Variants in SEL1L2 observed in about 807,000 individuals in gnomAD.
SEL1L2 encodes protein sel-1 homolog 2.
In SEL1L2, 89 loss-of-function variants were observed where a neutral mutation model predicts 98.8. The ratio of observed to expected loss-of-function variants is 0.90; its 90% CI spans 0.76 to 1.07. SEL1L2 has a LOEUF of 1.07. SEL1L2 is among the 50% of genes least tolerant of loss of function. The pLI is 0.00. For synonymous variants in SEL1L2, 262 were observed against 278.5 expected, an observed-to-expected ratio of 0.94 and a Z score of 0.59; for missense variants, 788 against 812.0, an observed-to-expected ratio of 0.97 and a Z score of 0.36.
In SEL1L2 at chr20:13,970,197, G is replaced by A. The variant is rs73612327; in HGVS notation, c.59-14066C>T. 1.4e-3 allele frequency among the ~76,000 whole-genome samples: 215 copies of A among 152,168 alleles called. 7 individuals are homozygous for A. The East Asian group carries it at 0.038, about 27-fold the overall frequency. On this transcript the variant is annotated intron_variant, in intron 1 of 19. Coordinates refer to ENST00000284951, the MANE Select transcript of SEL1L2 (RefSeq NM_025229.2). Reference sequence around the variant, plus strand: ...ATAGAAAACTTAGAGTCAAAGAATCGCAAGTTTGGAATTGTCTTCTGACAT... The same window carrying A: ...ATAGAAAACTTAGAGTCAAAGAATCACAAGTTTGGAATTGTCTTCTGACAT...
chr20:13,919,170 C>A (rs973015446), intron 3 of SEL1L2, 47 bp from the exon 4 acceptor site: 1 of 1,142,318 alleles, frequency 8.8e-7, no homozygotes, highest in East Asian at 2.4e-5. Flanking sequence ...CTTCTATGTT[C>A]CATATTTTAA....
At chr20:13,948,621 T>G (rs1425537479) in intron 2 of SEL1L2, among the ~76,000 whole-genome samples, 1 of 152,202 alleles carries the variant, frequency 6.6e-6, no homozygotes. Flanking sequence ...ATCAAAGACC[T>G]AAATACAAGA....
intron 17 of SEL1L2, among the ~76,000 whole-genome samples, chr20:13,864,010 T>C (rs1990594936): frequency 6.6e-6 from 1 of 151,358 alleles, no homozygotes; most frequent in Admixed American, 6.6e-5. Flanking sequence ...AAAATATATA[T>C]GTATATATCT....
chr20:13,918,538 A>G (rs1441057826), intron 4 of SEL1L2, among the ~76,000 whole-genome samples: 5 of 152,312 alleles, frequency 3.3e-5, no homozygotes, highest in Middle Eastern at 3.4e-3. Context: ...TCTGTTTCCA[A>G]CTTCTTAAAG....
rs370107605 is a variant in SEL1L2 at position 13,932,494 on chromosome 20, C to T, written c.115-723G>A. 6.0e-4 allele frequency among the ~76,000 whole-genome samples: 91 copies of T among 151,802 alleles called. No homozygotes were observed. The Middle Eastern group carries it at 0.01, about 17-fold the overall frequency. ...TCACCCAGGCTGGAGTGCAGTGACA[C>T]GATCTTGGCTCACTGCAACCTTCGC... On this transcript the variant is annotated intron_variant, in intron 2 of 19. Coordinates refer to ENST00000284951, the MANE Select transcript of SEL1L2 (RefSeq NM_025229.2).
At chr20:13,906,347 T>C (rs2047930388) in intron 5 of SEL1L2, among the ~76,000 whole-genome samples, 2 of 152,180 alleles carry the variant, frequency 1.3e-5, no homozygotes, top group African/African-American at 2.4e-5. Context: ...TATTCCTCCT[T>C]CTACTTTTTA....
At chr20:13,906,545 A>G (rs76340859) in intron 5 of SEL1L2, among the ~76,000 whole-genome samples, 1,624 of 152,326 alleles carry the variant, frequency 0.011, 33 homozygotes, top group African/African-American at 0.037. Context: ...ATTAACATCA[A>G]GAAGAAATGC....
intron 5 of SEL1L2, among the ~76,000 whole-genome samples, chr20:13,893,705 C>T (rs1304550921): frequency 2.6e-5 from 4 of 152,136 alleles, no homozygotes; most frequent in Non-Finnish European, 5.9e-5. Flanking sequence ...GAACATTCTA[C>T]TTTACAGGAG....
At chr20:13,926,315 AAAC>A (rs1357240910) in intron 3 of SEL1L2, among the ~76,000 whole-genome samples, 1 of 100,552 alleles carries the variant, frequency 9.9e-6, no homozygotes, top group Admixed American at 1.2e-4. Context: ...ACTCCGTTTC[AAAC>A]AAAAAAAAAT....
At chr20:13,867,937 T>C (rs6042401) in intron 14 of SEL1L2, among the ~76,000 whole-genome samples, 14,235 of 151,944 alleles carry the variant, frequency 0.094, 793 homozygotes, top group African/African-American at 0.15. Flanking sequence ...GGATGTGACC[T>C]CCTTGATGAT....
chr20:13,852,162 A>G (rs557377455), intron 18 of SEL1L2, among the ~76,000 whole-genome samples: 1 of 152,266 alleles, frequency 6.6e-6, no homozygotes, highest in South Asian at 2.1e-4. Flanking sequence ...TTCGGGGAAA[A>G]TCTCAGGCAT....
intron 18 of SEL1L2, among the ~76,000 whole-genome samples, chr20:13,857,973 T>C (rs1409841878): frequency 6.6e-6 from 1 of 152,180 alleles, no homozygotes; most frequent in Non-Finnish European, 1.5e-5. Context: ...AATTTAGCTA[T>C]CCATCCTGTC....
chr20:13,940,372 C>A (rs951832434), intron 2 of SEL1L2, among the ~76,000 whole-genome samples: 1 of 152,056 alleles, frequency 6.6e-6, no homozygotes, highest in East Asian at 1.9e-4. Context: ...AGTACGAATG[C>A]CCTAAAGTGG....
chr20:13,867,221 A>G (rs1991186965), intron 14 of SEL1L2, among the ~76,000 whole-genome samples: 1 of 152,200 alleles, frequency 6.6e-6, no homozygotes, highest in Admixed American at 6.5e-5. Flanking sequence ...TGATCCTTCC[A>G]TATCAGGACA....
intron 15 of SEL1L2, 61 bp from the exon 16 acceptor site, chr20:13,865,575 T>G: frequency 1.4e-6 from 2 of 1,440,340 alleles, no homozygotes; most frequent in Non-Finnish European, 1.9e-6. Flanking sequence ...CCCAGGCAAA[T>G]GAGAAAGGAA....
rs1258134121 is a variant in SEL1L2, at chr20:13,924,704, C to T, written c.284-5581G>A. On this transcript the variant is annotated intron_variant, in intron 3 of 19. Transcript: ENST00000284951. The stretch of plus-strand genomic sequence containing the variant: ...CCTCCCAAACTGCTAGGGTTACAGG[C>T]GTTTCATTTTTCTTAACTCTGGTTG... 3.3e-5 allele frequency among the ~76,000 whole-genome samples: 5 copies of T among 152,072 alleles called. No individual in the cohort carries two copies. In the South Asian group the frequency reaches 8.3e-4, roughly 25 times the overall value.
At chr20:13,895,387 G>A (rs1222384091) in intron 5 of SEL1L2, among the ~76,000 whole-genome samples, 1 of 147,344 alleles carries the variant, frequency 6.8e-6, no homozygotes, top group Non-Finnish European at 1.5e-5. Context: ...AGGTTGCAGT[G>A]AGCCAAGATC....
chr20:13,963,879 T>TA (rs1291497466), intron 1 of SEL1L2, among the ~76,000 whole-genome samples: 2 of 152,046 alleles, frequency 1.3e-5, no homozygotes, highest in African/African-American at 4.8e-5. Flanking sequence ...AATATATATA[T>TA]TTTTTTCCTT....
chr20:13,950,745 C>T (rs941667155), intron 2 of SEL1L2, among the ~76,000 whole-genome samples: 2 of 152,170 alleles, frequency 1.3e-5, no homozygotes, highest in African/African-American at 4.8e-5. Flanking sequence ...GAGAGAAAGA[C>T]CACGAGCTAC....
Sources: gnomAD v4.1 joint callset for allele counts (sites outside exome capture counted in the v4.1 genomes callset) on GRCh38, gnomAD v4.1.1 for gene constraint, MANE v1.5 for transcripts, NCBI Gene and HGNC (gene_info 2026-07-23, HGNC 2026-07-21) for gene names.